The following KANK1 variants were observed in gnomAD, a reference collection of about 807,000 sequenced individuals.
The protein encoded by KANK1 is KN motif and ankyrin repeat domain-containing protein 1.
A neutral mutation model predicts 106.2 loss-of-function variants in KANK1; 109 were observed. That is an observed-to-expected ratio of 1.03 (90% CI 0.88 to 1.20). The LOEUF is 1.20. KANK1 is among the 50% of genes most tolerant of loss of function. The probability of loss-of-function intolerance (pLI) is 0.00; values close to 1 mark genes in which losing one functional copy is unlikely to be tolerated. For missense variants in KANK1, 2,399 were observed against 1,710.7 expected (o/e 1.40, Z -7.10); for synonymous variants, 873 against 652.2 (o/e 1.34, Z -5.16).
chr9:677,060 C>T (rs368612688), intron 2 of KANK1, 51 bp downstream of exon 2: 2 of 1,527,664 alleles, frequency 1.3e-6, no homozygotes, highest in Admixed American at 1.7e-5. Context: ...TTTTCTCAAA[C>T]TAATTTTTTA....
intron 1 of KANK1, among the ~76,000 whole-genome samples, chr9:528,909 C>T (rs909753900): frequency 3.3e-5 from 5 of 152,060 alleles, no homozygotes; most frequent in Non-Finnish European, 5.9e-5. Context: ...AAGCAATCAT[C>T]CCACCTCAGC....
intron 6 of KANK1, 165 bp downstream of exon 6, chr9:732,782 A>C: frequency 1.5e-6 from 1 of 669,602 alleles, no homozygotes; most frequent in Non-Finnish European, 2.5e-6. Context: ...GAGTATTACA[A>C]CTCTTAGATC....
At chr9:493,026 C>G (rs1288316926) in intron 3 of KANK1, among the ~76,000 whole-genome samples, 2 of 110,280 alleles carry the variant, frequency 1.8e-5, no homozygotes, top group Non-Finnish European at 1.6e-5. Flanking sequence ...AAAACTCCGT[C>G]TCAAAAAAAA....
chr9:684,249 C>T, intron 2 of KANK1: 1 of 985,286 alleles, frequency 1.0e-6, no homozygotes, highest in Non-Finnish European at 1.2e-6. Context: ...TCCAGCTAAG[C>T]CAAGAAAGGA....
Position 632,961 on chromosome 9 carries a change from TG to T in KANK1, c.-83-43926del, listed in dbSNP as rs1292244391. On this transcript the variant is annotated intron_variant, in intron 1 of 11. Transcript: ENST00000382297. ...CACCTGCCTCAGCCTCCCAAAGTGCTGGGATTACAGGCGTGAGCCACTGCTC... is the reference window on the plus strand; with the variant it reads ...CACCTGCCTCAGCCTCCCAAAGTGCTGGATTACAGGCGTGAGCCACTGCTC... Among the ~76,000 whole-genome samples, 3 of 152,004 alleles carry T rather than the reference TG, an allele frequency of 2.0e-5. No individual in the cohort carries two copies. In the East Asian group the frequency reaches 5.8e-4, roughly 30 times the overall value.
rs1444161216 is a variant in KANK1, at chr9:558,388, A to G, written c.-84+53634A>G. ...CATTGCTCCTAGGGGAACAATACAG[A>G]GTTAGATTCCTGTGAGCCTCTGGTT... On this transcript the variant is annotated intron_variant, in intron 1 of 11. Coordinates refer to ENST00000382297, the MANE Select transcript of KANK1 (RefSeq NM_015158.5). Among the ~76,000 whole-genome samples the G allele has an allele frequency of 2.0e-5, 3 of 152,236 alleles. No individual in the cohort carries two copies. In the South Asian group the frequency reaches 6.2e-4, roughly 31 times the overall value.
chr9:527,181 G>C (rs1249202532), intron 1 of KANK1, among the ~76,000 whole-genome samples: 2 of 151,810 alleles, frequency 1.3e-5, no homozygotes, highest in African/African-American at 2.4e-5. Context: ...TCCTGAAGGC[G>C]TCCCTTCTGA....
At chr9:544,624 A>G (rs1399988387) in intron 1 of KANK1, among the ~76,000 whole-genome samples, 19 of 152,166 alleles carry the variant, frequency 1.2e-4, no homozygotes. Context: ...AAGCGCTCTG[A>G]TAGGGGAAGT....
intron 2 of KANK1, among the ~76,000 whole-genome samples, chr9:710,231 T>C (rs551758254): frequency 1.3e-5 from 2 of 152,266 alleles, no homozygotes; most frequent in South Asian, 2.1e-4. Flanking sequence ...AATACAATCA[T>C]TATCTCATTA....
intron 3 of KANK1, among the ~76,000 whole-genome samples, chr9:492,800 G>A (rs1026498485): frequency 1.3e-5 from 2 of 151,916 alleles, no homozygotes; most frequent in African/African-American, 4.8e-5. Flanking sequence ...CGAGGCGGGT[G>A]GATCACCTGA....
intron 1 of KANK1, chr9:673,545 C>T (rs7027890): frequency 0.54 from 82,593 of 151,996 alleles, 23,084 homozygotes; most frequent in East Asian, 0.65. Flanking sequence ...GATATGCTTA[C>T]AGTTCCTAAT....
chr9:607,718 A>T (rs1340286466), intron 1 of KANK1, among the ~76,000 whole-genome samples: 1 of 151,540 alleles, frequency 6.6e-6, no homozygotes, highest in Non-Finnish European at 1.5e-5. Context: ...GGGCTGTAAG[A>T]ACCTCTGTAG....
At chr9:667,866 G>A (rs891431747) in intron 1 of KANK1, among the ~76,000 whole-genome samples, 1 of 151,584 alleles carries the variant, frequency 6.6e-6, no homozygotes, top group Admixed American at 6.6e-5. Flanking sequence ...CAAGTAGCTG[G>A]GATTACAGGT....
rs569686873 is a variant in KANK1 at position 732,477 on chromosome 9, G to A, written c.3105G>A (p.Glu1035=). 3.8e-6 allele frequency: 6 copies of A among 1,576,364 alleles called. No homozygotes were observed. In the African/African-American group the frequency reaches 4.0e-5, roughly 11 times the overall value. The change falls in exon 6 of 12, where the codon GAG becomes GAA. Residue 1035 remains glutamate (E), a synonymous_variant. Transcript: ENST00000382297. ...CDVIEYPLEE[E]EEEEDEDTRG... Reference sequence around the variant, plus strand: ...TCATTGAGTATCCTCTTGAAGAAGAGGAGGAGGAGGAGGATGAAGACACTC... The same window carrying A: ...TCATTGAGTATCCTCTTGAAGAAGAAGAGGAGGAGGAGGATGAAGACACTC...
intron 2 of KANK1, among the ~76,000 whole-genome samples, chr9:690,131 T>TAAAAAAAAAAAA (rs1819524820): frequency 6.0e-5 from 1 of 16,712 alleles, no homozygotes; most frequent in Non-Finnish European, 1.5e-4. Flanking sequence ...CTTCTAAAAA[T>TAAAAAAAAAAAA]ACAAAAAAAA....
At chr9:581,955 G>A (rs140914344) in intron 1 of KANK1, among the ~76,000 whole-genome samples, 4 of 152,272 alleles carry the variant, frequency 2.6e-5, no homozygotes, top group African/African-American at 7.2e-5. Context: ...CCTTAAGTGT[G>A]AGAGATCTTG....
At chr9:626,970 C>G (rs886450520) in intron 1 of KANK1, among the ~76,000 whole-genome samples, 2 of 152,182 alleles carry the variant, frequency 1.3e-5, no homozygotes, top group Middle Eastern at 3.4e-3. Flanking sequence ...CTAACTCATT[C>G]CTTTTGGTGT....
At chr9:740,104 G>A (rs775778213) in intron 8 of KANK1, among the ~76,000 whole-genome samples, 6 of 151,872 alleles carry the variant, frequency 4.0e-5, no homozygotes, top group Non-Finnish European at 7.4e-5. Context: ...TCACCATTCC[G>A]GTCATTTCAG....
intron 1 of KANK1, among the ~76,000 whole-genome samples, chr9:653,756 T>A (rs1381510735): frequency 6.6e-6 from 1 of 152,186 alleles, no homozygotes; most frequent in African/African-American, 2.4e-5. Flanking sequence ...TTGTTGCAGA[T>A]ATGTTTTCTT....
Sources: allele counts gnomAD v4.1 joint callset (sites outside exome capture counted in the v4.1 genomes callset), GRCh38; gene constraint gnomAD v4.1.1; transcripts MANE v1.5; gene names NCBI Gene and HGNC (gene_info 2026-07-23, HGNC 2026-07-21).